TNPO3: variants seen among roughly 807,000 people sequenced by gnomAD.
TNPO3 encodes transportin-3.
Under a neutral mutation model 122.8 loss-of-function variants are expected in TNPO3, and 65 were observed. That is an observed-to-expected ratio of 0.53 (90% CI 0.43 to 0.65). The LOEUF (loss-of-function observed/expected upper bound fraction) is 0.65, where lower values mean the gene tolerates loss of function less well. Ranked by LOEUF, TNPO3 falls within the 30% of genes least tolerant of loss-of-function variation. TNPO3 has a pLI of 0.00. For synonymous variants in TNPO3, 372 were observed against 411.2 expected (o/e 0.90, Z 1.15); for missense variants, 850 against 1,136.7 (o/e 0.75, Z 3.63).
rs1477167106 is a variant in TNPO3 at position 129,025,354 on chromosome 7, A to C, written c.121-7197T>G. On this transcript the variant is annotated intron_variant, in intron 1 of 22. Coordinates refer to ENST00000265388, the MANE Select transcript of TNPO3 (RefSeq NM_012470.4). ...AACAAGAGTGAAACTCTGTCACAAA[A>C]AAAAAAAAAAAAAAAAAAAAAAAAA... Among the ~76,000 whole-genome samples the C allele has an allele frequency of 7.0e-4, 5 of 7,134 alleles. No individual in the cohort carries two copies. The East Asian group carries it at 0.029, about 41-fold the overall frequency. The allele number at this position is 7,134 out of a possible 152,430, so 4.7% of individuals were successfully genotyped here.
At chr7:129,014,325 C>A (rs1156916231) in intron 4 of TNPO3, among the ~76,000 whole-genome samples, 2 of 152,070 alleles carry the variant, frequency 1.3e-5, no homozygotes, top group Non-Finnish European at 2.9e-5. Context: ...GAGTTCGAGG[C>A]CAGCCTAGGC....
intron 1 of TNPO3, among the ~76,000 whole-genome samples, chr7:129,020,036 C>T (rs2150444822): frequency 6.6e-6 from 1 of 152,022 alleles, no homozygotes; most frequent in Non-Finnish European, 1.5e-5. Context: ...GGCATGGTGG[C>T]ATGCACCTGT....
At chr7:129,055,960 T>C, upstream of TNPO3, 2 of 699,822 alleles carry the variant, frequency 2.9e-6, no homozygotes, top group Middle Eastern at 2.4e-4. Flanking sequence ...CCTTGCCAAG[T>C]ATTAATAAAA....
chr7:129,003,652 G>C lies in TNPO3; in HGVS notation c.696+1364C>G, dbSNP rs1563100003. Among the ~76,000 whole-genome samples, 6 of 152,044 alleles carry C rather than the reference G, an allele frequency of 3.9e-5. 1 individual carries two copies. Among genetic ancestry groups the C allele is most frequent in the Admixed American group, 2.6e-4 (4 of 15,272 alleles). On this transcript the variant is annotated intron_variant, in intron 5 of 22. Coordinates refer to ENST00000265388, the MANE Select transcript of TNPO3 (RefSeq NM_012470.4). ...TGGAGCTACTCCAGTCTGGACGACA[G>C]GGAGACACCCTGACTCCCTGTGACA...
intron 20 of TNPO3, among the ~76,000 whole-genome samples, chr7:128,969,155 G>T (rs909538983): frequency 1.3e-5 from 2 of 152,124 alleles, no homozygotes; most frequent in African/African-American, 4.8e-5. Flanking sequence ...TTTTCATAAA[G>T]TTAGATTTAC....
chr7:129,003,297 G>C (rs1258975), intron 5 of TNPO3, among the ~76,000 whole-genome samples: 82 of 116,644 alleles, frequency 7.0e-4, no homozygotes, highest in Non-Finnish European at 1.3e-3. Flanking sequence ...AATTTTTAGG[G>C]TTTTTTTTTT....
chr7:128,990,192 A>C (rs770068113), intron 10 of TNPO3, 92 bp from the exon 11 acceptor site: 2 of 1,384,654 alleles, frequency 1.4e-6, no homozygotes, highest in Non-Finnish European at 2.1e-6. Flanking sequence ...GCATTGCTAA[A>C]GGGCTTCTTT....
At position 129,041,837 on chromosome 7, in the gene TNPO3, G is replaced by A. The variant is rs73721688; in HGVS notation, c.120+12814C>T. The A allele has an allele frequency of 1.6e-3, 1,129 of 692,586 alleles. 14 individuals are homozygous for A. The African/African-American group carries it at 0.021, about 13-fold the overall frequency. The allele number at this position is 692,586 out of a possible 1,614,324, so 42.9% of individuals were successfully genotyped here. ...AAAGATATTTCCATGACTATGTGAT[G>A]AATATGAGGCAGGCTATGGCCCAGC... is the stretch of plus-strand genomic sequence containing the variant. On this transcript the variant is annotated intron_variant, in intron 1 of 22. Coordinates refer to ENST00000265388, the MANE Select transcript of TNPO3 (RefSeq NM_012470.4).
intron 21 of TNPO3, among the ~76,000 whole-genome samples, chr7:128,958,026 A>G (rs1448955538): frequency 6.6e-6 from 1 of 152,204 alleles, no homozygotes; most frequent in Non-Finnish European, 1.5e-5. Context: ...ACTGTCACCA[A>G]GAAACCAGCT....
chr7:129,052,135 T>C (rs974795132), intron 1 of TNPO3, among the ~76,000 whole-genome samples: 4 of 152,214 alleles, frequency 2.6e-5, no homozygotes, highest in African/African-American at 9.6e-5. Context: ...CACCCTCCTC[T>C]ATCATGTTTT....
chr7:128,998,450 G>A (rs769579027), intron 7 of TNPO3, among the ~76,000 whole-genome samples: 3 of 152,200 alleles, frequency 2.0e-5, no homozygotes, highest in Non-Finnish European at 4.4e-5. Context: ...GAACTTCTGG[G>A]CTCAAGCAAT....
chr7:128,993,189 GT>G (rs35023245), intron 9 of TNPO3, among the ~76,000 whole-genome samples: 13,677 of 151,738 alleles, frequency 0.09, 852 homozygotes, highest in South Asian at 0.15. Flanking sequence ...TTCCAAAGTG[GT>G]ATTTCAGAGC....
At chr7:129,045,306 G>T (rs1160256049) in intron 1 of TNPO3, among the ~76,000 whole-genome samples, 2 of 152,140 alleles carry the variant, frequency 1.3e-5, no homozygotes, top group Non-Finnish European at 2.9e-5. Context: ...CAATGTCAAT[G>T]TATGTAATAC....
chr7:129,013,249 G>A (rs987622190), intron 4 of TNPO3, among the ~76,000 whole-genome samples: 4 of 151,974 alleles, frequency 2.6e-5, no homozygotes, highest in African/African-American at 9.7e-5. Flanking sequence ...TCTTAAGTAA[G>A]ACCTCAAAAT....
intron 7 of TNPO3, among the ~76,000 whole-genome samples, chr7:128,998,755 C>T (rs1163705366): frequency 1.3e-5 from 2 of 152,160 alleles, no homozygotes; most frequent in Non-Finnish European, 2.9e-5. Context: ...AACTCATGGG[C>T]TCAAGCAATC....
chr7:129,052,422 T>G (rs1808891937), intron 1 of TNPO3, among the ~76,000 whole-genome samples: 1 of 152,246 alleles, frequency 6.6e-6, no homozygotes, highest in Non-Finnish European at 1.5e-5. Context: ...GTTACCAAAC[T>G]ATTTCTTGTC....
intron 18 of TNPO3, 39 bp from the exon 19 acceptor site, chr7:128,972,621 T>G (rs1208742595): frequency 1.3e-6 from 2 of 1,592,740 alleles, no homozygotes; most frequent in African/African-American, 2.7e-5. Context: ...ATGACAAGAT[T>G]AGGCTATAAA....
In TNPO3 at chr7:128,990,114, G is replaced by GT; in HGVS notation, c.1359-15dup. On this transcript the variant is annotated splice_polypyrimidine_tract_variant and intron_variant, in intron 10 of 22. Transcript: ENST00000265388. ...GGATTGTTTTCCCTGAGTACAGGCG[G>GT]TAAGTACTCACAGTTACTGATTTCA... is the stretch of plus-strand genomic sequence containing the variant. 1 of 1,614,186 alleles carries GT rather than the reference G, an allele frequency of 6.2e-7. No individual in the cohort carries two copies. Among genetic ancestry groups the GT allele is most frequent in the African/African-American group, 1.3e-5 (1 of 75,052 alleles).
chr7:129,032,852 T>C (rs1448044226), intron 1 of TNPO3, among the ~76,000 whole-genome samples: 1 of 152,184 alleles, frequency 6.6e-6, no homozygotes, highest in African/African-American at 2.4e-5. Flanking sequence ...ATGGAATTGT[T>C]TCCTTCACGT....
Sources: allele counts gnomAD v4.1 joint callset (sites outside exome capture counted in the v4.1 genomes callset), GRCh38; gene constraint gnomAD v4.1.1; transcripts MANE v1.5; gene names NCBI Gene and HGNC (gene_info 2026-07-23, HGNC 2026-07-21).